DLG2: variants seen among roughly 807,000 people sequenced by gnomAD.
DLG2 encodes discs large MAGUK scaffold protein 2.
DLG2 carries 45 observed loss-of-function variants against 132.5 expected under a neutral mutation model. The observed-to-expected ratio is 0.34, with a 90% CI of 0.27 to 0.44. The LOEUF is 0.44. Ranked by LOEUF, DLG2 falls within the 20% of genes least tolerant of loss-of-function variation. The probability of loss-of-function intolerance (pLI) is 1.00; values close to 1 mark genes in which losing one functional copy is unlikely to be tolerated. For synonymous variants in DLG2, 424 were observed against 419.6 expected, an observed-to-expected ratio of 1.01 and a Z score of -0.13; for missense variants, 1,045 against 1,196.9, an observed-to-expected ratio of 0.87 and a Z score of 1.87.
chr11:84,713,333 G>T (rs2060652609), intron 6 of DLG2, among the ~76,000 whole-genome samples: 1 of 152,060 alleles, frequency 6.6e-6, no homozygotes, highest in Non-Finnish European at 1.5e-5. Flanking sequence ...GGTAACCAGG[G>T]TAACTACTAT....
chr11:84,139,716 C>G (rs1312803208), intron 9 of DLG2, among the ~76,000 whole-genome samples: 1 of 151,996 alleles, frequency 6.6e-6, no homozygotes, highest in Non-Finnish European at 1.5e-5. Context: ...AGTTTGATTT[C>G]AGGCTAAATG....
At chr11:85,458,891 G>C (rs2092510187) in intron 3 of DLG2, among the ~76,000 whole-genome samples, 1 of 152,214 alleles carries the variant, frequency 6.6e-6, no homozygotes, top group South Asian at 2.1e-4. Context: ...CTCTTGGGCA[G>C]AAGGGGAAGG....
chr11:84,474,894 T>C (rs2099117586), intron 7 of DLG2, among the ~76,000 whole-genome samples: 1 of 152,096 alleles, frequency 6.6e-6, no homozygotes, highest in South Asian at 2.1e-4. Flanking sequence ...CTTGCCCTTA[T>C]TGAAAAATGC....
At chr11:84,851,308 C>G (rs972503376) in intron 6 of DLG2, among the ~76,000 whole-genome samples, 3 of 152,036 alleles carry the variant, frequency 2.0e-5, no homozygotes, top group Non-Finnish European at 4.4e-5. Flanking sequence ...CATATTGTTG[C>G]ACATATTTTC....
chr11:85,389,744 G>C (rs909859137), intron 3 of DLG2, among the ~76,000 whole-genome samples: 2 of 152,184 alleles, frequency 1.3e-5, no homozygotes, highest in East Asian at 3.9e-4. Context: ...CAAGAATTTT[G>C]TATATCCAGA....
chr11:85,296,759 A>C (rs1479383382), intron 3 of DLG2, among the ~76,000 whole-genome samples: 1 of 151,240 alleles, frequency 6.6e-6, no homozygotes, highest in African/African-American at 2.4e-5. Context: ...TAATCTCAAA[A>C]AGAACATGCT....
At chr11:84,026,129 A>G (rs965918306) in intron 11 of DLG2, among the ~76,000 whole-genome samples, 2 of 152,036 alleles carry the variant, frequency 1.3e-5, no homozygotes, top group Non-Finnish European at 1.5e-5. Context: ...GGAGGGAGGA[A>G]AATAGTAGAG....
At chr11:83,900,538 T>C (rs938347542) in intron 15 of DLG2, among the ~76,000 whole-genome samples, 3 of 152,196 alleles carry the variant, frequency 2.0e-5, no homozygotes, top group South Asian at 2.1e-4. Context: ...GAGGCCAACA[T>C]AGAGCTTGGG....
At chr11:84,682,126 G>T (rs1190685681) in intron 6 of DLG2, among the ~76,000 whole-genome samples, 1 of 152,038 alleles carries the variant, frequency 6.6e-6, no homozygotes, top group Non-Finnish European at 1.5e-5. Flanking sequence ...GTTTATTCAG[G>T]AGTGATCTAC....
chr11:85,267,183 A>T (rs1382725472), intron 4 of DLG2, among the ~76,000 whole-genome samples: 2 of 152,214 alleles, frequency 1.3e-5, no homozygotes, highest in African/African-American at 4.8e-5. Context: ...TTACAAAAAG[A>T]CATGAGAGGA....
chr11:84,784,338 A>AATTAATT (rs2072440465), intron 6 of DLG2, among the ~76,000 whole-genome samples: 1 of 146,696 alleles, frequency 6.8e-6, no homozygotes, highest in African/African-American at 2.5e-5. Flanking sequence ...ATAAATAAAT[A>AATTAATT]AATAAATAAA....
chr11:84,600,092 A>T (rs2099572095), intron 6 of DLG2, among the ~76,000 whole-genome samples: 1 of 150,182 alleles, frequency 6.7e-6, no homozygotes, highest in Admixed American at 6.7e-5. Context: ...CCTTGAAAAA[A>T]AAAAAGTAAG....
intron 6 of DLG2, among the ~76,000 whole-genome samples, chr11:84,836,088 C>T (rs1351469170): frequency 2.6e-5 from 4 of 151,852 alleles, no homozygotes; most frequent in East Asian, 2.0e-4. Context: ...GGCAGTTACT[C>T]AGTGTCTTTA....
intron 6 of DLG2, among the ~76,000 whole-genome samples, chr11:84,906,534 A>C (rs1293016988): frequency 6.6e-6 from 1 of 152,080 alleles, no homozygotes; most frequent in African/African-American, 2.4e-5. Flanking sequence ...CAATTAACTG[A>C]CAGCTTATTA....
At position 85,468,170 on chromosome 11, in the gene DLG2, T is replaced by G. The variant is rs533625303; in HGVS notation, c.40+130487A>C. Among the ~76,000 whole-genome samples, 29 of 150,614 alleles carry G rather than the reference T, an allele frequency of 1.9e-4. No individual in the cohort carries two copies. In the East Asian group the frequency reaches 4.7e-3, roughly 24 times the overall value. On this transcript the variant is annotated intron_variant, in intron 3 of 27. Coordinates refer to ENST00000376104, the MANE Select transcript of DLG2 (RefSeq NM_001142699.3). ...TCGATGGTGATATCCCCTTTATCAT[T>G]TTTTTTTTGCATCTATTTGATTCTT...
At chr11:83,965,585 C>T in intron 12 of DLG2, 117 bp from the exon 13 acceptor site, 1 of 783,532 alleles carries the variant, frequency 1.3e-6, no homozygotes, top group East Asian at 2.7e-5. Context: ...GTATCCTTGA[C>T]ATAACAGATG....
intron 8 of DLG2, among the ~76,000 whole-genome samples, chr11:84,169,456 T>C (rs2095760742): frequency 1.3e-5 from 2 of 152,250 alleles, no homozygotes; most frequent in South Asian, 4.1e-4. Flanking sequence ...TGTCTTTTTC[T>C]ATATATCCAC....
chr11:85,252,369 A>G (rs1026000991), intron 4 of DLG2, among the ~76,000 whole-genome samples: 1 of 152,172 alleles, frequency 6.6e-6, no homozygotes, highest in African/African-American at 2.4e-5. Flanking sequence ...CAGGCGGATC[A>G]CGAGGTCAGG....
At chr11:84,215,622 G>A (rs1292098509) in intron 8 of DLG2, among the ~76,000 whole-genome samples, 1 of 152,130 alleles carries the variant, frequency 6.6e-6, no homozygotes, top group East Asian at 1.9e-4. Flanking sequence ...GCTCATGAAA[G>A]AGAGGAAAAC....
Sources: allele counts gnomAD v4.1 joint callset (sites outside exome capture counted in the v4.1 genomes callset), GRCh38; gene constraint gnomAD v4.1.1; transcripts MANE v1.5; gene names NCBI Gene and HGNC (gene_info 2026-07-23, HGNC 2026-07-21).